The following SCN8A variants were observed in gnomAD, a reference collection of about 807,000 sequenced individuals.
SCN8A encodes sodium voltage-gated channel alpha subunit 8.
In SCN8A, 30 loss-of-function variants were observed where a neutral mutation model predicts 184.1. The ratio of observed to expected loss-of-function variants is 0.16; its 90% CI spans 0.12 to 0.22. The LOEUF (loss-of-function observed/expected upper bound fraction) is 0.22, where lower values mean the gene tolerates loss of function less well. SCN8A is among the 10% of genes least tolerant of loss of function. The probability of loss-of-function intolerance (pLI) is 1.00; values close to 1 mark genes in which losing one functional copy is unlikely to be tolerated. For synonymous variants in SCN8A, 852 were observed against 907.0 expected, an observed-to-expected ratio of 0.94 and a Z score of 1.09; for missense variants, 1,057 against 2,498.9, an observed-to-expected ratio of 0.42 and a Z score of 12.30.
chr12:51,683,093 C>T (rs551435701), intron 2 of SCN8A, among the ~76,000 whole-genome samples: 7 of 152,182 alleles, frequency 4.6e-5, no homozygotes, highest in Non-Finnish European at 1.0e-4. Flanking sequence ...GGAAAAAAAT[C>T]TCTCCCTCCT....
At chr12:51,752,731 T>C (rs1380515726) in intron 14 of SCN8A, among the ~76,000 whole-genome samples, 1 of 152,216 alleles carries the variant, frequency 6.6e-6, no homozygotes, top group Non-Finnish European at 1.5e-5. Context: ...TGACTGGCTC[T>C]GAAAGGTGCC....
chr12:51,740,064 C>T (rs1422605557), intron 12 of SCN8A, among the ~76,000 whole-genome samples: 1 of 152,250 alleles, frequency 6.6e-6, no homozygotes, highest in African/African-American at 2.4e-5. Flanking sequence ...ACAGATCGCT[C>T]ATGCTATTGT....
chr12:51,780,119 C>G, intron 20 of SCN8A: 1 of 383,392 alleles, frequency 2.6e-6, no homozygotes, highest in Non-Finnish European at 5.4e-6. Context: ...GAGCTTGTCC[C>G]TCTTGGAAAG....
At chr12:51,784,536 T>C (rs1398776323) in intron 21 of SCN8A, among the ~76,000 whole-genome samples, 2 of 152,122 alleles carry the variant, frequency 1.3e-5, no homozygotes, top group Non-Finnish European at 2.9e-5. Flanking sequence ...TCCAGCCTGG[T>C]CGACAGAGTG....
At chr12:51,656,532 A>G (rs916684930) in intron 1 of SCN8A, among the ~76,000 whole-genome samples, 5 of 152,202 alleles carry the variant, frequency 3.3e-5, no homozygotes, top group African/African-American at 1.2e-4. Flanking sequence ...GAAATATTAT[A>G]TCTGACAAAT....
chr12:51,760,491 C>T (rs1942746351), intron 14 of SCN8A, among the ~76,000 whole-genome samples: 1 of 152,192 alleles, frequency 6.6e-6, no homozygotes, highest in Admixed American at 6.5e-5. Flanking sequence ...ATAGATATTC[C>T]ATGGTCAATC....
intron 21 of SCN8A, 34 bp downstream of exon 21, chr12:51,780,805 G>C: frequency 6.5e-7 from 1 of 1,544,822 alleles, no homozygotes. Flanking sequence ...CCTTCTGCAT[G>C]CCAGTGGAAA....
In SCN8A at chr12:51,711,580, A is replaced by C. The variant is rs1941876830; in HGVS notation, c.1635+4865A>C. Among the ~76,000 whole-genome samples the C allele has an allele frequency of 2.6e-5, 4 of 152,170 alleles. No individual in the cohort carries two copies. In the South Asian group the frequency reaches 8.3e-4, roughly 31 times the overall value. On this transcript the variant is annotated intron_variant, in intron 11 of 26. Transcript: ENST00000627620. ...TCCAACTCCAGAGCCTGTGCTCCTA[A>C]CCACCCCTTCTTTATTCCTGCACAC...
chr12:51,771,454 G>A (rs1450379435), intron 19 of SCN8A, among the ~76,000 whole-genome samples: 1 of 152,092 alleles, frequency 6.6e-6, no homozygotes, highest in Non-Finnish European at 1.5e-5. Flanking sequence ...ACATAGCAAG[G>A]GAGAAACCCC....
In SCN8A at chr12:51,745,885, CTTT is replaced by C. The variant is rs769940455; in HGVS notation, c.1999-7_1999-5del. 1.3e-5 allele frequency: 16 copies of C among 1,226,202 alleles called. No homozygotes were observed. The highest frequency in any genetic ancestry group is 6.2e-5 in the South Asian group (4 of 64,474). 76.0% of individuals were successfully genotyped at this position (1,226,202 alleles called of 1,614,324 possible). A position where few individuals can be genotyped will look rare whatever the true frequency, so the allele number is the denominator to read the frequency against. ...GACTTAACTCACTCTATTTGCTTTT[CTTT>C]TTTTTTTTTTAAAGGCTACAACTGA... On this transcript the variant is annotated splice_polypyrimidine_tract_variant and intron_variant, in intron 12 of 26. Transcript: ENST00000627620.
intron 5 of SCN8A, among the ~76,000 whole-genome samples, chr12:51,687,972 A>G (rs1941446697): frequency 6.6e-6 from 1 of 152,192 alleles, no homozygotes; most frequent in Non-Finnish European, 1.5e-5. Context: ...AGTGCATTTA[A>G]ATATGTATTG....
chr12:51,619,579 A>G (rs1157900785), intron 1 of SCN8A, among the ~76,000 whole-genome samples: 1 of 152,238 alleles, frequency 6.6e-6, no homozygotes, highest in Non-Finnish European at 1.5e-5. Context: ...AAGCCTTCAT[A>G]TAATCTTAAA....
rs57362371 is a variant in SCN8A, at chr12:51,640,212, GTTTTTTTTTT to G, written c.-54-22520_-54-22511del. 8.0e-3 allele frequency among the ~76,000 whole-genome samples: 277 copies of G among 34,700 alleles called. 1 individual carries two copies. Among genetic ancestry groups the G allele is most frequent in the East Asian group, 0.01 (11 of 1,068 alleles). The allele number at this position is 34,700 out of a possible 152,430, so 22.8% of individuals were successfully genotyped here. On this transcript the variant is annotated intron_variant, in intron 1 of 26. Transcript: ENST00000627620. ...GGATATGAGCACATGTGCCTGGCCT[GTTTTTTTTTT>G]TTTTTTTTTTTTTTTTTTTTTTTTT... is the stretch of plus-strand genomic sequence containing the variant.
At chr12:51,639,602 T>C (rs1458824670) in intron 1 of SCN8A, among the ~76,000 whole-genome samples, 1 of 152,108 alleles carries the variant, frequency 6.6e-6, no homozygotes, top group African/African-American at 2.4e-5. Flanking sequence ...TGCTCTGCTG[T>C]GGATAAAATG....
At chr12:51,592,892 T>G (rs1047053869) in intron 1 of SCN8A, among the ~76,000 whole-genome samples, 1 of 152,018 alleles carries the variant, frequency 6.6e-6, no homozygotes, top group Admixed American at 6.6e-5. Context: ...CCTCTGCACT[T>G]CTCTTTTCTC....
chr12:51,670,804 A>G (rs570745895), intron 2 of SCN8A, among the ~76,000 whole-genome samples: 73 of 152,182 alleles, frequency 4.8e-4, no homozygotes, highest in Non-Finnish European at 1.0e-3. Flanking sequence ...TGGAGGGTTA[A>G]GGAAGGAATC....
intron 20 of SCN8A, among the ~76,000 whole-genome samples, chr12:51,777,683 C>T (rs915882834): frequency 2.0e-5 from 3 of 152,156 alleles, no homozygotes; most frequent in African/African-American, 7.2e-5. Context: ...TAGAGCCAGC[C>T]ACTGAATTGG....
At chr12:51,663,253 C>T (rs1021348407) in intron 2 of SCN8A, among the ~76,000 whole-genome samples, 160 bp downstream of exon 2, 3 of 152,122 alleles carry the variant, frequency 2.0e-5, no homozygotes, top group Admixed American at 6.6e-5. Flanking sequence ...TTAATTGCTA[C>T]TAAGGGTCAT....
chr12:51,641,867 CA>C, intron 1 of SCN8A, among the ~76,000 whole-genome samples: 1 of 152,244 alleles, frequency 6.6e-6, no homozygotes, highest in African/African-American at 2.4e-5. Flanking sequence ...AAACAAACCA[CA>C]ACAGTCACAA....
Sources: gnomAD v4.1 joint callset for allele counts (sites outside exome capture counted in the v4.1 genomes callset) on GRCh38, gnomAD v4.1.1 for gene constraint, MANE v1.5 for transcripts, NCBI Gene and HGNC (gene_info 2026-07-23, HGNC 2026-07-21) for gene names.